The following DOK6 variants were observed in gnomAD, a reference collection of about 807,000 sequenced individuals.
DOK6 encodes downstream of tyrosine kinase 6.
A neutral mutation model predicts 44.0 loss-of-function variants in DOK6; 22 were observed. The ratio of observed to expected loss-of-function variants is 0.50; its 90% CI spans 0.36 to 0.71. The LOEUF (loss-of-function observed/expected upper bound fraction) is 0.71, where lower values mean the gene tolerates loss of function less well. Ranked by LOEUF, DOK6 falls within the 30% of genes least tolerant of loss-of-function variation. The pLI is 0.00. For synonymous variants in DOK6, 166 were observed against 145.5 expected (o/e 1.14, Z -1.01); for missense variants, 340 against 416.4 (o/e 0.82, Z 1.60).
intron 1 of DOK6, among the ~76,000 whole-genome samples, chr18:69,542,958 T>C (rs1375767862): frequency 6.6e-6 from 1 of 151,522 alleles, no homozygotes; most frequent in Non-Finnish European, 1.5e-5. Context: ...AGTCGATTTG[T>C]CTTCTTCTAA....
chr18:69,708,607 A>G (rs1986688442), intron 5 of DOK6, among the ~76,000 whole-genome samples: 1 of 152,116 alleles, frequency 6.6e-6, no homozygotes, highest in African/African-American at 2.4e-5. Context: ...CAACATGGTG[A>G]AATGCTGTCT....
At chr18:69,548,688 C>T (rs1387861503) in intron 1 of DOK6, among the ~76,000 whole-genome samples, 4 of 151,618 alleles carry the variant, frequency 2.6e-5, no homozygotes, top group Admixed American at 6.6e-5. Flanking sequence ...GTCACTCAAC[C>T]AGTCTGGTAT....
rs1272029699 is a variant in DOK6, at chr18:69,638,312, T to A, written c.289+38814T>A. On this transcript the variant is annotated intron_variant, in intron 3 of 7. Coordinates refer to ENST00000382713, the MANE Select transcript of DOK6 (RefSeq NM_152721.6). ...ACCCTTCCTGTAGAGCACTTTGCCA[T>A]ACACTTGCCTGATTATAAGAATTAT... Among the ~76,000 whole-genome samples, 3 of 152,210 alleles carry A rather than the reference T, an allele frequency of 2.0e-5. No homozygotes were observed. The South Asian group carries it at 6.2e-4, about 32-fold the overall frequency.
chr18:69,620,360 A>G (rs1205814276), intron 3 of DOK6, among the ~76,000 whole-genome samples: 1 of 152,176 alleles, frequency 6.6e-6, no homozygotes, highest in Non-Finnish European at 1.5e-5. Context: ...TCATTTCACA[A>G]TTACACAAGG....
At position 69,568,086 on chromosome 18, in the gene DOK6, G is replaced by C. The variant is rs184403731; in HGVS notation, c.174+3492G>C. 2.8e-3 allele frequency among the ~76,000 whole-genome samples: 432 copies of C among 152,264 alleles called. 8 individuals are homozygous for C. The highest frequency in any genetic ancestry group is 0.023 in the Admixed American group (358 of 15,294). On this transcript the variant is annotated intron_variant, in intron 2 of 7. Coordinates refer to ENST00000382713, the MANE Select transcript of DOK6 (RefSeq NM_152721.6). ...CCCTTACAGAGTCAGCAACTTCACCGTCTCTCTGGGCACAAGCCCAACCTG... is the reference window on the plus strand; with the variant it reads ...CCCTTACAGAGTCAGCAACTTCACCCTCTCTCTGGGCACAAGCCCAACCTG...
intron 1 of DOK6, among the ~76,000 whole-genome samples, chr18:69,537,723 T>G (rs1158147176): frequency 6.6e-6 from 1 of 152,190 alleles, no homozygotes; most frequent in Non-Finnish European, 1.5e-5. Context: ...ATTTATGATC[T>G]TTGCCTAGCA....
At chr18:69,772,097 G>C (rs1979903849) in intron 7 of DOK6, among the ~76,000 whole-genome samples, 1 of 151,770 alleles carries the variant, frequency 6.6e-6, no homozygotes, top group African/African-American at 2.4e-5. Context: ...ATGAGCACTG[G>C]AGTTCCATAC....
At chr18:69,584,200 G>C in intron 2 of DOK6, among the ~76,000 whole-genome samples, 1 of 151,828 alleles carries the variant, frequency 6.6e-6, no homozygotes, top group Non-Finnish European at 1.5e-5. Context: ...ATTTAGTAAA[G>C]TTATCACCAT....
intron 3 of DOK6, among the ~76,000 whole-genome samples, chr18:69,611,845 G>A (rs779212248): frequency 2.3e-4 from 35 of 152,128 alleles, no homozygotes; most frequent in Non-Finnish European, 1.5e-4. Flanking sequence ...GGACAGGAGG[G>A]CTGTATGGTC....
Position 69,616,619 on chromosome 18 carries a change from A to G in DOK6, c.289+17121A>G, listed in dbSNP as rs181957183. Among the ~76,000 whole-genome samples the G allele has an allele frequency of 4.6e-5, 7 of 152,374 alleles. No individual in the cohort carries two copies. In the East Asian group the frequency reaches 1.3e-3, roughly 29 times the overall value. ...AAAACGTTTTATAAGCAATTAACAT[A>G]CAGTATCAGCTGGAAAATGGTTGTT... On this transcript the variant is annotated intron_variant, in intron 3 of 7. Transcript: ENST00000382713.
At chr18:69,730,823 T>G (rs1234554818) in intron 5 of DOK6, among the ~76,000 whole-genome samples, 1 of 152,154 alleles carries the variant, frequency 6.6e-6, no homozygotes, top group Non-Finnish European at 1.5e-5. Flanking sequence ...ATTGGTAGTT[T>G]AGGCAGGATG....
chr18:69,649,348 G>C (rs2144661351), intron 3 of DOK6, among the ~76,000 whole-genome samples: 1 of 152,200 alleles, frequency 6.6e-6, no homozygotes, highest in Non-Finnish European at 1.5e-5. Context: ...AAATCTCCTT[G>C]TCAGAGATCT....
chr18:69,827,302 T>A (rs776241304), intron 7 of DOK6, among the ~76,000 whole-genome samples: 2 of 152,122 alleles, frequency 1.3e-5, no homozygotes, highest in Non-Finnish European at 2.9e-5. Flanking sequence ...GATTTGGGTA[T>A]AATTCATAAT....
At position 69,676,539 on chromosome 18, in the gene DOK6, GCAA is replaced by G. The variant is rs1201651259; in HGVS notation, c.290-1191_290-1189del. 2.0e-5 allele frequency among the ~76,000 whole-genome samples: 3 copies of G among 152,106 alleles called. No individual in the cohort carries two copies. The East Asian group carries it at 5.8e-4, about 29-fold the overall frequency. Reference sequence around the variant, plus strand: ...AAGGGTGAGGTGTCATCCACAGAGAGCAACAAGAGATTTACAGAGAATCCATAT... The same window carrying G: ...AAGGGTGAGGTGTCATCCACAGAGAGCAAGAGATTTACAGAGAATCCATAT... On this transcript the variant is annotated intron_variant, in intron 3 of 7. Transcript: ENST00000382713.
intron 1 of DOK6, among the ~76,000 whole-genome samples, chr18:69,562,477 G>T (rs924414367): frequency 1.3e-5 from 2 of 152,124 alleles, no homozygotes; most frequent in African/African-American, 2.4e-5. Context: ...GATGCCTCCA[G>T]TTTTGTTCTT....
chr18:69,553,591 C>G (rs1176789507), intron 1 of DOK6, among the ~76,000 whole-genome samples: 1 of 152,078 alleles, frequency 6.6e-6, no homozygotes, highest in East Asian at 1.9e-4. Flanking sequence ...TGTGCTGTAG[C>G]CAGGATTGTC....
intron 5 of DOK6, among the ~76,000 whole-genome samples, chr18:69,717,362 T>C (rs1986907043): frequency 6.6e-6 from 1 of 152,122 alleles, no homozygotes; most frequent in South Asian, 2.1e-4. Context: ...AATATGAAAA[T>C]GATAGAATAT....
intron 2 of DOK6, among the ~76,000 whole-genome samples, chr18:69,567,759 G>A (rs28375277): frequency 3.3e-5 from 5 of 152,162 alleles, no homozygotes; most frequent in African/African-American, 1.2e-4. Flanking sequence ...GGTCCGAGGG[G>A]AGTGAGTGGT....
chr18:69,760,428 G>C, intron 7 of DOK6, among the ~76,000 whole-genome samples: 1 of 151,962 alleles, frequency 6.6e-6, no homozygotes, highest in East Asian at 1.9e-4. Context: ...AGAAGCGAGA[G>C]TTTATTAAAA....
Sources: allele counts gnomAD v4.1 joint callset (sites outside exome capture counted in the v4.1 genomes callset), GRCh38; gene constraint gnomAD v4.1.1; transcripts MANE v1.5; gene names NCBI Gene and HGNC (gene_info 2026-07-23, HGNC 2026-07-21).